Variants in MICAL3 observed in about 807,000 individuals in gnomAD.
MICAL3 encodes the protein [F-actin]-monooxygenase MICAL3.
Under a neutral mutation model 207.4 loss-of-function variants are expected in MICAL3, and 62 were observed. The observed-to-expected ratio is 0.30, with a 90% CI of 0.24 to 0.37. The LOEUF is 0.37. MICAL3 is among the 10% of genes least tolerant of loss of function. The pLI, the probability that MICAL3 is intolerant of heterozygous loss-of-function variation, is 1.00. For synonymous variants in MICAL3, 1,077 were observed against 1,069.3 expected (o/e 1.01, Z -0.14); for missense variants, 2,368 against 2,635.6 (o/e 0.90, Z 2.22).
intron 1 of MICAL3, among the ~76,000 whole-genome samples, chr22:17,976,589 A>ATATTTTT (rs1231976773): frequency 1.2e-4 from 8 of 67,130 alleles, no homozygotes; most frequent in East Asian, 1.2e-3. Flanking sequence ...ATATATATAT[A>ATATTTTT]TTTTTTTTTT....
intron 19 of MICAL3, among the ~76,000 whole-genome samples, chr22:17,856,334 G>A (rs958172786): frequency 6.6e-6 from 1 of 152,184 alleles, no homozygotes; most frequent in African/African-American, 2.4e-5. Flanking sequence ...CCTAAGCATG[G>A]TCTTTTGAGC....
intron 1 of MICAL3, among the ~76,000 whole-genome samples, chr22:17,994,400 C>G (rs1245759843): frequency 1.3e-5 from 2 of 152,208 alleles, no homozygotes; most frequent in African/African-American, 4.8e-5. Context: ...CCTCCCGGGA[C>G]CCATGCTACC....
intron 1 of MICAL3, among the ~76,000 whole-genome samples, chr22:17,944,353 T>TGGCAGTAGGAGAGGGCGC (rs1933955107): frequency 1.3e-5 from 2 of 151,948 alleles, no homozygotes; most frequent in Admixed American, 6.6e-5. Flanking sequence ...AGAGAGGGGG[T>TGGCAGTAGGAGAGGGCGC]GGCAGTAGGA....
chr22:17,893,838 A>T lies in MICAL3; in HGVS notation c.1516T>A (p.Ser506Thr). 1 of 1,578,334 alleles carries T rather than the reference A, an allele frequency of 6.3e-7. No individual in the cohort carries two copies. Among genetic ancestry groups the T allele is most frequent in the Non-Finnish European group, 8.6e-7 (1 of 1,160,688 alleles). ...IHLEMESLVNSRTTPKLTRNE... is the reference protein window; with the variant it reads ...IHLEMESLVNTRTTPKLTRNE... ...CGAGTCAATTTGGGGGTGGTTCGGG[A>T]ATTCACCAGGCTCTCCATTTCCAGG... Residue 506 changes from serine (S) to threonine (T), a missense_variant, in exon 11 of 32, where the codon TCC (serine) becomes ACC (threonine). This residue lies in a region of MICAL3 where 147 missense variants were observed against 137.7 expected (regional missense o/e 1.07). Coordinates refer to ENST00000441493, the MANE Select transcript of MICAL3 (RefSeq NM_015241.3).
intron 1 of MICAL3, among the ~76,000 whole-genome samples, chr22:17,988,704 C>T (rs1921318942): frequency 6.6e-6 from 1 of 152,210 alleles, no homozygotes; most frequent in Non-Finnish European, 1.5e-5. Flanking sequence ...AATCCACCCG[C>T]CTCAGCCTCC....
At chr22:17,848,116 G>A (rs1331903019) in intron 19 of MICAL3, among the ~76,000 whole-genome samples, 3 of 152,194 alleles carry the variant, frequency 2.0e-5, no homozygotes, top group East Asian at 1.9e-4. Flanking sequence ...GTGAAGAAAC[G>A]GCCAGGTTGG....
At chr22:17,928,165 C>T (rs959002508) in intron 1 of MICAL3, among the ~76,000 whole-genome samples, 12 of 152,076 alleles carry the variant, frequency 7.9e-5, no homozygotes, top group Non-Finnish European at 7.3e-5. Context: ...GTGGGCCGGG[C>T]GCGGTGGCTC....
intron 1 of MICAL3, among the ~76,000 whole-genome samples, chr22:17,927,002 A>G (rs1450764592): frequency 6.6e-6 from 1 of 152,200 alleles, no homozygotes; most frequent in South Asian, 2.1e-4. Flanking sequence ...TCCATTCACA[A>G]TGTTGCACAA....
In MICAL3 at chr22:17,849,644, ATGTGTGTGTG is replaced by A. The variant is rs149239378; in HGVS notation, c.2606-7637_2606-7628del. 9.4e-4 allele frequency among the ~76,000 whole-genome samples: 75 copies of A among 79,462 alleles called. No individual in the cohort carries two copies. In the South Asian group the frequency reaches 0.016, roughly 17 times the overall value. 52.1% of individuals were successfully genotyped at this position (79,462 alleles called of 152,430 possible). A position where few individuals can be genotyped will look rare whatever the true frequency, so the allele number is the denominator to read the frequency against. ...GCCACTGTGCCTGGCCCAGAATGGA[ATGTGTGTGTG>A]TGTGTGTGTGTGTGTGTGTGTGTGT... On this transcript the variant is annotated intron_variant, in intron 19 of 31. Transcript: ENST00000441493.
chr22:17,896,950 C>T lies in MICAL3; in HGVS notation c.980G>A (p.Arg327Gln), dbSNP rs374734256. The T allele has an allele frequency of 1.3e-4, 213 of 1,613,606 alleles. No homozygotes were observed. The highest frequency in any genetic ancestry group is 1.6e-4 in the Middle Eastern group (1 of 6,080). Reference protein sequence around the residue: ...DYADTELLLSRENVDQEALLS... With the variant: ...DYADTELLLSQENVDQEALLS... The stretch of plus-strand genomic sequence containing the variant: ...CAGAGCCTCCTGGTCCACGTTTTCT[C>T]GGGAAAGCAGGAGCTCTGTGTCGGC... Residue 327 changes from arginine to glutamine, a missense_variant, in exon 8 of 32, where the codon CGA (arginine) becomes CAA (glutamine). By Grantham distance (43) the Arg-to-Gln change is conservative. This residue lies in a region of MICAL3 where 400 missense variants were observed against 547.0 expected (regional missense o/e 0.73). Coordinates refer to ENST00000441493, the MANE Select transcript of MICAL3 (RefSeq NM_015241.3).
chr22:17,827,921 G>T (rs1236265903), intron 21 of MICAL3, 140 bp from the exon 22 acceptor site: 3 of 746,894 alleles, frequency 4.0e-6, no homozygotes, highest in Non-Finnish European at 6.4e-6. Flanking sequence ...TTAAGAACAT[G>T]TATGCACATG....
At chr22:17,938,595 C>T (rs1397009468) in intron 1 of MICAL3, among the ~76,000 whole-genome samples, 2 of 152,164 alleles carry the variant, frequency 1.3e-5, no homozygotes, top group Non-Finnish European at 2.9e-5. Context: ...ATACCAAGCA[C>T]AATTCTGGAC....
At position 17,790,916 on chromosome 22, in the gene MICAL3, T is replaced by C; in HGVS notation, c.5825A>G (p.Asp1942Gly). ...CAGCTCCTCCTCAGTCTTAAGGTGA[T>C]CTTGAAGGAGAAGAAGGCATGAGGT... ...QELRERMAVEDHLKTEEELSE... is the reference protein window; with the variant it reads ...QELRERMAVEGHLKTEEELSE... Residue 1942 changes from aspartate to glycine, a missense_variant and splice_region_variant, in exon 32 of 32, where the codon GAT (aspartate) becomes GGT (glycine). This residue lies in a region of MICAL3 where 1,770 missense variants were observed against 1,863.2 expected (regional missense o/e 0.95). Coordinates refer to ENST00000441493, the MANE Select transcript of MICAL3 (RefSeq NM_015241.3). The C allele has an allele frequency of 3.7e-6, 6 of 1,613,662 alleles. No individual in the cohort carries two copies. Among genetic ancestry groups the C allele is most frequent in the Non-Finnish European group, 5.1e-6 (6 of 1,179,866 alleles).
chr22:17,868,644 G>A lies in MICAL3; in HGVS notation c.2429-2632C>T, dbSNP rs115956501. ...TGAATTGTGGGTGATTCAGTCAAGT[G>A]ACTGATTCTCAATGGTCCAAATTAA... On this transcript the variant is annotated intron_variant, in intron 17 of 31. Coordinates refer to ENST00000441493, the MANE Select transcript of MICAL3 (RefSeq NM_015241.3). Among the ~76,000 whole-genome samples the A allele has an allele frequency of 8.5e-3, 1,301 of 152,308 alleles. 16 individuals carry two copies. Among genetic ancestry groups the A allele is most frequent in the African/African-American group, 0.029 (1,210 of 41,554 alleles).
At chr22:17,953,859 A>G (rs761528532) in intron 1 of MICAL3, among the ~76,000 whole-genome samples, 155 of 136,360 alleles carry the variant, frequency 1.1e-3, no homozygotes, top group Non-Finnish European at 2.0e-3. Flanking sequence ...TGGACCTAGG[A>G]GGGGGAGGTT....
chr22:18,022,739 C>A (rs1158768878), intron 1 of MICAL3, among the ~76,000 whole-genome samples: 4 of 152,086 alleles, frequency 2.6e-5, no homozygotes, highest in Non-Finnish European at 5.9e-5. Flanking sequence ...CCCTCTTCTG[C>A]TTTCTAAGTG....
rs546207106 is a variant in MICAL3 at position 17,834,229 on chromosome 22, T to G, written c.2802-2122A>C. ...CTCTCTGAGTTTGCTCAATGACACA[T>G]TCATTCATTCACTCGGTGAACATTT... is the stretch of plus-strand genomic sequence containing the variant. On this transcript the variant is annotated intron_variant, in intron 20 of 31. Transcript: ENST00000441493. 1.9e-3 allele frequency: 2,028 copies of G among 1,087,704 alleles called. 5 individuals are homozygous for G. Among genetic ancestry groups the G allele is most frequent in the South Asian group, 2.1e-3 (100 of 46,768 alleles). 67.4% of individuals were successfully genotyped at this position (1,087,704 alleles called of 1,614,324 possible). A position where few individuals can be genotyped will look rare whatever the true frequency, so the allele number is the denominator to read the frequency against.
intron 1 of MICAL3, among the ~76,000 whole-genome samples, chr22:17,976,588 TA>T (rs199602428): frequency 0.12 from 10,195 of 84,958 alleles, 964 homozygotes; most frequent in Non-Finnish European, 0.16. Flanking sequence ...TATATATATA[TA>T]TTTTTTTTTT....
chr22:17,862,093 G>A (rs1359103034), intron 19 of MICAL3: 9 of 985,166 alleles, frequency 9.1e-6, no homozygotes, highest in Non-Finnish European at 9.6e-6. Flanking sequence ...CTCCTGGGAC[G>A]TGGGTCTAGG....
Sources: gnomAD v4.1 joint callset for allele counts (sites outside exome capture counted in the v4.1 genomes callset) on GRCh38, gnomAD v4.1.1 for gene constraint, gnomAD v4.1.1 regional missense constraint, MANE v1.5 for transcripts, NCBI Gene and HGNC (gene_info 2026-07-23, HGNC 2026-07-21) for gene names.